Variants in FGGY observed in about 807,000 individuals in gnomAD.
FGGY encodes FGGY carbohydrate kinase domain containing.
FGGY carries 72 observed loss-of-function variants against 71.3 expected under a neutral mutation model. That is an observed-to-expected ratio of 1.01 (90% confidence interval 0.84 to 1.23). The LOEUF (loss-of-function observed/expected upper bound fraction) is 1.23. FGGY is among the 50% of genes most tolerant of loss of function. FGGY has a pLI of 0.00. For missense variants in FGGY, 668 were observed against 682.3 expected (o/e 0.98, Z 0.23); for synonymous variants, 251 against 250.3 (o/e 1.00, Z -0.02).
chr1:59,475,543 C>T (rs1429835434), intron 6 of FGGY, among the ~76,000 whole-genome samples: 1 of 152,164 alleles, frequency 6.6e-6, no homozygotes, highest in African/African-American at 2.4e-5. Flanking sequence ...TTGGGGAAGC[C>T]AGGATTGATG....
intron 8 of FGGY, among the ~76,000 whole-genome samples, chr1:59,581,628 G>T (rs1348735954): frequency 6.7e-6 from 1 of 150,118 alleles, no homozygotes; most frequent in Non-Finnish European, 1.5e-5. Context: ...ATATTGAGCT[G>T]CAGTCTACCC....
rs1460607346 is a variant in FGGY at position 59,607,799 on chromosome 1, C to A, written c.904-4C>A. ...TTTCACATATTTTCCATCTTTCTTT[C>A]CAGATCAGCAAAGACCCGATTTTTG... On this transcript the variant is annotated splice_region_variant and splice_polypyrimidine_tract_variant and intron_variant, in intron 8 of 15. Transcript: ENST00000303721. 1 of 1,610,030 alleles carries A rather than the reference C, an allele frequency of 6.2e-7. No individual in the cohort carries two copies. The highest frequency in any genetic ancestry group is 8.5e-7 in the Non-Finnish European group (1 of 1,176,710).
intron 8 of FGGY, among the ~76,000 whole-genome samples, chr1:59,571,672 T>C (rs2095987652): frequency 6.6e-6 from 1 of 152,174 alleles, no homozygotes; most frequent in Non-Finnish European, 1.5e-5. Flanking sequence ...CATTATTTTT[T>C]ATAATAGCTA....
At position 59,448,400 on chromosome 1, in the gene FGGY, T is replaced by A. The variant is rs114083977; in HGVS notation, c.555-8561T>A. Among the ~76,000 whole-genome samples, 1,237 of 152,178 alleles carry A rather than the reference T, an allele frequency of 8.1e-3. 15 individuals carry two copies. The highest frequency in any genetic ancestry group is 0.028 in the African/African-American group (1,160 of 41,526). ...TGGGCAGTAGGTGGTGGGAGGAATG[T>A]GAGGTAGGCAAAACCAGGAGAGCAT... is the stretch of plus-strand genomic sequence containing the variant. On this transcript the variant is annotated intron_variant, in intron 5 of 15. Transcript: ENST00000303721.
At chr1:59,555,062 T>A (rs1236828770) in intron 8 of FGGY, among the ~76,000 whole-genome samples, 2 of 152,188 alleles carry the variant, frequency 1.3e-5, no homozygotes, top group East Asian at 3.9e-4. Context: ...TAGGGACCCC[T>A]GAGCCTTTTT....
intron 5 of FGGY, among the ~76,000 whole-genome samples, chr1:59,422,058 A>C (rs1234771301): frequency 6.6e-6 from 1 of 152,216 alleles, no homozygotes. Context: ...AGATTAGATC[A>C]CTGGATCCCA....
intron 7 of FGGY, among the ~76,000 whole-genome samples, chr1:59,532,770 A>G (rs1266722921): frequency 2.0e-5 from 3 of 152,186 alleles, no homozygotes; most frequent in African/African-American, 7.2e-5. Flanking sequence ...GGGCCTATCT[A>G]GTGCAACAAG....
chr1:59,370,310 T>C (rs147324025), intron 4 of FGGY, among the ~76,000 whole-genome samples: 4,277 of 151,428 alleles, frequency 0.028, 220 homozygotes, highest in African/African-American at 0.098. Flanking sequence ...AAGAAAGCGA[T>C]GGAAGATGAA....
intron 14 of FGGY, among the ~76,000 whole-genome samples, chr1:59,677,777 A>C (rs2097451286): frequency 6.6e-6 from 1 of 152,142 alleles, no homozygotes; most frequent in Non-Finnish European, 1.5e-5. Context: ...TTGATATTGC[A>C]AATTTTGAAA....
At chr1:59,412,736 T>C (rs1277477141) in intron 5 of FGGY, among the ~76,000 whole-genome samples, 2 of 152,202 alleles carry the variant, frequency 1.3e-5, no homozygotes, top group South Asian at 2.1e-4. Context: ...ATAGAAGTTA[T>C]TGTATTTGGG....
At chr1:59,662,898 A>C (rs2097290422) in intron 12 of FGGY, among the ~76,000 whole-genome samples, 1 of 152,206 alleles carries the variant, frequency 6.6e-6, no homozygotes, top group Admixed American at 6.5e-5. Flanking sequence ...GTATTGAGGA[A>C]CTTTTATTTT....
chr1:59,638,081 T>G (rs116518760), intron 10 of FGGY, 147 bp from the exon 11 acceptor site: 1 of 722,206 alleles, frequency 1.4e-6, no homozygotes, highest in Non-Finnish European at 2.3e-6. Flanking sequence ...ACAGTGTGAT[T>G]TGAGAGTACA....
intron 4 of FGGY, among the ~76,000 whole-genome samples, chr1:59,366,682 A>C (rs2153234113): frequency 6.6e-6 from 1 of 152,138 alleles, no homozygotes; most frequent in South Asian, 2.1e-4. Flanking sequence ...ATATCTCCCA[A>C]AACTCTGCAT....
At chr1:59,543,744 C>A (rs1274261614) in intron 7 of FGGY, among the ~76,000 whole-genome samples, 4 of 152,050 alleles carry the variant, frequency 2.6e-5, no homozygotes, top group African/African-American at 9.7e-5. Flanking sequence ...AGAACCTGTC[C>A]TGTCACTTCC....
At position 59,469,487 on chromosome 1, in the gene FGGY, C is replaced by T. The variant is rs538795265; in HGVS notation, c.670+12411C>T. Among the ~76,000 whole-genome samples the T allele has an allele frequency of 2.4e-3, 363 of 152,282 alleles. 1 individual carries two copies. The highest frequency in any genetic ancestry group is 6.8e-3 in the Middle Eastern group (2 of 294). On this transcript the variant is annotated intron_variant, in intron 6 of 15. Transcript: ENST00000303721. ...CATTAATCCATTCATGAGGGCAGAG[C>T]CCTCATGGCTTAATCACATCTTAAA...
intron 5 of FGGY, among the ~76,000 whole-genome samples, chr1:59,402,075 C>G (rs2062038396): frequency 6.6e-6 from 1 of 152,202 alleles, no homozygotes. Flanking sequence ...TGTGTGTCTT[C>G]ATCACTTAGT....
At chr1:59,696,176 A>T (rs894097032) in intron 14 of FGGY, among the ~76,000 whole-genome samples, 3 of 152,214 alleles carry the variant, frequency 2.0e-5, no homozygotes, top group Non-Finnish European at 2.9e-5. Flanking sequence ...AATGGAGATA[A>T]AATAAGATCA....
intron 8 of FGGY, among the ~76,000 whole-genome samples, chr1:59,592,832 G>T (rs1029625168): frequency 1.3e-5 from 2 of 151,932 alleles, no homozygotes; most frequent in African/African-American, 4.8e-5. Flanking sequence ...TATACCTAAT[G>T]CTAAATGACG....
intron 13 of FGGY, among the ~76,000 whole-genome samples, chr1:59,673,281 A>G (rs767465873): frequency 6.6e-6 from 1 of 152,180 alleles, no homozygotes; most frequent in Non-Finnish European, 1.5e-5. Context: ...CTCAGTAGGA[A>G]GGTGATGTTT....
Sources: gnomAD v4.1 joint callset for allele counts (sites outside exome capture counted in the v4.1 genomes callset) on GRCh38, gnomAD v4.1.1 for gene constraint, MANE v1.5 for transcripts, NCBI Gene and HGNC (gene_info 2026-07-23, HGNC 2026-07-21) for gene names.